The following FMN2 variants were observed in gnomAD, a reference collection of about 807,000 sequenced individuals.
FMN2 encodes formin-2.
Under a neutral mutation model 142.3 loss-of-function variants are expected in FMN2, and 51 were observed. That is an observed-to-expected ratio of 0.36 (90% CI 0.29 to 0.45). The LOEUF (loss-of-function observed/expected upper bound fraction) is 0.45. FMN2 is among the 20% of genes least tolerant of loss of function. The pLI is 1.00. For missense variants in FMN2, 1,936 were observed against 2,122.8 expected (o/e 0.91, Z 1.73); for synonymous variants, 882 against 869.8 (o/e 1.01, Z -0.25).
chr1:240,325,723 G>A (rs1015620478), intron 8 of FMN2, among the ~76,000 whole-genome samples: 12 of 152,172 alleles, frequency 7.9e-5, no homozygotes, highest in Non-Finnish European at 4.4e-5. Context: ...CCCTTTTGCA[G>A]TCCATTTAGT....
At chr1:240,338,733 C>T (rs985590072) in intron 13 of FMN2, among the ~76,000 whole-genome samples, 39 of 152,228 alleles carry the variant, frequency 2.6e-4, no homozygotes, top group Admixed American at 2.2e-3. Context: ...ACAGTTTTTC[C>T]GTGGACAAGC....
At chr1:240,450,074 CTTA>C (rs887988199) in intron 16 of FMN2, among the ~76,000 whole-genome samples, 3 of 152,006 alleles carry the variant, frequency 2.0e-5, no homozygotes, top group Non-Finnish European at 2.9e-5. Flanking sequence ...TTCTCATATA[CTTA>C]TTATAATGTC....
intron 1 of FMN2, among the ~76,000 whole-genome samples, chr1:240,098,247 G>A (rs1187625845): frequency 2.0e-5 from 3 of 151,646 alleles, no homozygotes; most frequent in African/African-American, 4.9e-5. Flanking sequence ...GATTATAGGC[G>A]CCCATGACCA....
At chr1:240,114,071 AATC>A (rs1472489925) in intron 1 of FMN2, among the ~76,000 whole-genome samples, 2 of 152,218 alleles carry the variant, frequency 1.3e-5, no homozygotes, top group African/African-American at 4.8e-5. Flanking sequence ...CAGCTTCAGT[AATC>A]ATCAATATTT....
At chr1:240,341,956 G>A (rs1037941527) in intron 13 of FMN2, among the ~76,000 whole-genome samples, 2 of 152,180 alleles carry the variant, frequency 1.3e-5, no homozygotes, top group Non-Finnish European at 2.9e-5. Flanking sequence ...CATCCTCTTT[G>A]CATGAGTTTG....
chr1:240,128,791 A>G (rs2103229180), intron 2 of FMN2, among the ~76,000 whole-genome samples: 1 of 152,236 alleles, frequency 6.6e-6, no homozygotes, highest in East Asian at 1.9e-4. Context: ...CGGAAAACTA[A>G]TGAAATATGC....
At chr1:240,160,758 G>A (rs1664242856) in intron 2 of FMN2, among the ~76,000 whole-genome samples, 2 of 151,776 alleles carry the variant, frequency 1.3e-5, no homozygotes, top group African/African-American at 4.8e-5. Flanking sequence ...ATTCCTATAT[G>A]GTCTAGAAGA....
chr1:240,139,652 A>G (rs1663096354), intron 2 of FMN2, among the ~76,000 whole-genome samples: 1 of 152,250 alleles, frequency 6.6e-6, no homozygotes, highest in Non-Finnish European at 1.5e-5. Context: ...AAAGACTGAA[A>G]GCTACTGATA....
intron 4 of FMN2, among the ~76,000 whole-genome samples, chr1:240,196,274 T>C (rs1665906260): frequency 6.6e-6 from 1 of 152,192 alleles, no homozygotes; most frequent in African/African-American, 2.4e-5. Flanking sequence ...TATTAAACTC[T>C]CAAAGTAATT....
chr1:240,304,566 T>C (rs1558422567), intron 8 of FMN2, among the ~76,000 whole-genome samples: 1 of 152,154 alleles, frequency 6.6e-6, no homozygotes, highest in African/African-American at 2.4e-5. Context: ...AAAGGAATCA[T>C]GGAAAAAAGA....
At chr1:240,211,728 T>C (rs1317923051) in intron 6 of FMN2, among the ~76,000 whole-genome samples, 4 of 152,230 alleles carry the variant, frequency 2.6e-5, no homozygotes, top group Admixed American at 2.6e-4. Flanking sequence ...AGAAATCTTG[T>C]ATCCATTTCT....
chr1:240,134,071 G>A (rs1443832628), intron 2 of FMN2, among the ~76,000 whole-genome samples: 1 of 152,148 alleles, frequency 6.6e-6, no homozygotes, highest in Non-Finnish European at 1.5e-5. Flanking sequence ...GATTAAATGA[G>A]ATTAATTTAT....
In FMN2 at chr1:240,258,260, A is replaced by G. The variant is rs112345298; in HGVS notation, c.4153+228A>G. ...TTACTAACAGTCTAATTATCATGTG[A>G]CATTATTATCTTAGTTCAGGCTACT... On this transcript the variant is annotated intron_variant, in intron 7 of 17. Transcript: ENST00000319653. 8.6e-3 allele frequency among the ~76,000 whole-genome samples: 1,307 copies of G among 152,292 alleles called. 23 individuals are homozygous for G. Among genetic ancestry groups the G allele is most frequent in the African/African-American group, 0.029 (1,222 of 41,556 alleles).
chr1:240,453,344 T>C (rs920095146), intron 16 of FMN2, among the ~76,000 whole-genome samples: 1 of 152,174 alleles, frequency 6.6e-6, no homozygotes, highest in African/African-American at 2.4e-5. Flanking sequence ...GCATTACCAA[T>C]GATAAGCCCT....
chr1:240,231,590 TG>T (rs1488774435), intron 6 of FMN2, among the ~76,000 whole-genome samples: 34 of 152,318 alleles, frequency 2.2e-4, no homozygotes, highest in Admixed American at 1.1e-3. Context: ...TTTGAGGGCC[TG>T]AGGTGTTTAA....
intron 13 of FMN2, among the ~76,000 whole-genome samples, chr1:240,345,120 C>T (rs575731283): frequency 6.6e-6 from 1 of 152,184 alleles, no homozygotes; most frequent in Non-Finnish European, 1.5e-5. Flanking sequence ...GATGATTCAG[C>T]TAAAATGAAT....
chr1:240,144,173 G>A, intron 2 of FMN2: 2 of 1,449,398 alleles, frequency 1.4e-6, no homozygotes, highest in Non-Finnish European at 1.9e-6. Context: ...CGTGGTCCTT[G>A]TTCTTGTAAA....
intron 13 of FMN2, among the ~76,000 whole-genome samples, chr1:240,349,475 A>G (rs1672020026): frequency 1.3e-5 from 2 of 150,876 alleles, no homozygotes; most frequent in South Asian, 4.2e-4. Context: ...ACTTGTATAA[A>G]TTATTCCAAT....
intron 13 of FMN2, among the ~76,000 whole-genome samples, chr1:240,339,498 A>G (rs1671675971): frequency 6.6e-6 from 1 of 152,094 alleles, no homozygotes; most frequent in African/African-American, 2.4e-5. Context: ...ATAAGGGAAC[A>G]CTACTGTTTT....
Sources: gnomAD v4.1 joint callset for allele counts (sites outside exome capture counted in the v4.1 genomes callset) on GRCh38, gnomAD v4.1.1 for gene constraint, MANE v1.5 for transcripts, NCBI Gene and HGNC (gene_info 2026-07-23, HGNC 2026-07-21) for gene names.